The following NKAIN3 variants were observed in gnomAD, a reference collection of about 807,000 sequenced individuals.
The protein encoded by NKAIN3 is sodium/potassium transporting ATPase interacting 3, also known as sodium/potassium-transporting ATPase subunit beta-1-interacting protein 3.
A neutral mutation model predicts 30.2 loss-of-function variants in NKAIN3; 25 were observed. The observed-to-expected ratio is 0.83, with a 90% CI of 0.60 to 1.16. The LOEUF (loss-of-function observed/expected upper bound fraction) is 1.16, where lower values mean the gene tolerates loss of function less well. Among genes scored for constraint, NKAIN3 ranks in the 50% most tolerant of loss-of-function variants. The pLI is 0.00. For synonymous variants in NKAIN3, 91 were observed against 89.6 expected, an observed-to-expected ratio of 1.02 and a Z score of -0.09; for missense variants, 225 against 254.1, an observed-to-expected ratio of 0.89 and a Z score of 0.78.
chr8:62,514,433 G>A (rs1344281194), intron 1 of NKAIN3, among the ~76,000 whole-genome samples: 1 of 152,112 alleles, frequency 6.6e-6, no homozygotes, highest in Non-Finnish European at 1.5e-5. Context: ...ATCTTAGGAA[G>A]AGGGTAAAAT....
At chr8:62,276,309 G>A (rs150549128) in intron 1 of NKAIN3, among the ~76,000 whole-genome samples, 61 of 152,188 alleles carry the variant, frequency 4.0e-4, no homozygotes, top group African/African-American at 1.3e-3. Context: ...CAAGTGATCC[G>A]CCTGCCTTGG....
At chr8:62,512,058 A>T (rs1445385844) in intron 1 of NKAIN3, among the ~76,000 whole-genome samples, 1 of 152,148 alleles carries the variant, frequency 6.6e-6, no homozygotes, top group Non-Finnish European at 1.5e-5. Context: ...TGTCATAGGC[A>T]CTTAATAAAT....
At chr8:62,542,726 G>T (rs1299222666) in intron 1 of NKAIN3, among the ~76,000 whole-genome samples, 1 of 152,132 alleles carries the variant, frequency 6.6e-6, no homozygotes, top group African/African-American at 2.4e-5. Context: ...TGTTAAAAAT[G>T]GGATAGTGTC....
chr8:62,801,069 C>T (rs1230548160), intron 4 of NKAIN3, among the ~76,000 whole-genome samples: 2 of 152,194 alleles, frequency 1.3e-5, no homozygotes, highest in East Asian at 1.9e-4. Flanking sequence ...GGGGGAGGGG[C>T]TCCCACCATT....
intron 1 of NKAIN3, among the ~76,000 whole-genome samples, chr8:62,532,099 G>A (rs1808506953): frequency 6.6e-6 from 1 of 152,160 alleles, no homozygotes; most frequent in Non-Finnish European, 1.5e-5. Flanking sequence ...AAGGCTCCTA[G>A]TCTGATGCTT....
At chr8:62,748,039 T>A (rs1346068321) in intron 4 of NKAIN3, among the ~76,000 whole-genome samples, 2 of 152,244 alleles carry the variant, frequency 1.3e-5, no homozygotes, top group Non-Finnish European at 2.9e-5. Flanking sequence ...CTTACTGTAT[T>A]CATTATCTAC....
chr8:62,252,063 A>G (rs958883821), intron 1 of NKAIN3, among the ~76,000 whole-genome samples: 9 of 152,222 alleles, frequency 5.9e-5, no homozygotes, highest in Admixed American at 5.2e-4. Flanking sequence ...GAGCCCGTAT[A>G]AGCCTGCTTC....
rs542341302 is a variant in NKAIN3 at position 62,316,840 on chromosome 8, G to A, written c.54+67713G>A. 9.7e-4 allele frequency among the ~76,000 whole-genome samples: 148 copies of A among 152,248 alleles called. 3 individuals carry two copies. The East Asian group carries it at 0.026, about 27-fold the overall frequency. On this transcript the variant is annotated intron_variant, in intron 1 of 6. Coordinates refer to ENST00000623646, the MANE Select transcript of NKAIN3 (RefSeq NM_001304533.3). The stretch of plus-strand genomic sequence containing the variant: ...AATGGTATTTCTAGTTCTAGATCCT[G>A]AGGAATCGCCACACTAACTTCCACA...
intron 3 of NKAIN3, among the ~76,000 whole-genome samples, chr8:62,605,754 A>G (rs1348848246): frequency 6.6e-6 from 1 of 152,088 alleles, no homozygotes; most frequent in African/African-American, 2.4e-5. Flanking sequence ...ATGTGCAAAT[A>G]CTATATTATT....
intron 5 of NKAIN3, among the ~76,000 whole-genome samples, chr8:62,939,606 C>A (rs748541609): frequency 6.6e-6 from 1 of 152,076 alleles, no homozygotes; most frequent in Non-Finnish European, 1.5e-5. Flanking sequence ...TCTTTAGCCT[C>A]CTTAAACAAA....
chr8:62,698,641 C>A (rs1210294382), intron 3 of NKAIN3, among the ~76,000 whole-genome samples: 2 of 152,174 alleles, frequency 1.3e-5, no homozygotes, highest in African/African-American at 4.8e-5. Flanking sequence ...TGTAGGACCT[C>A]ATTCTTTTCC....
Position 62,984,637 on chromosome 8 carries a change from T to A in NKAIN3, c.*19230T>A, listed in dbSNP as rs1488507750. 2 of 152,238 alleles carry A rather than the reference T, an allele frequency of 1.3e-5. No homozygotes were observed. The highest frequency in any genetic ancestry group is 2.1e-4 in the South Asian group (1 of 4,836). The allele number at this position is 152,238 out of a possible 1,614,324, so 9.4% of individuals were successfully genotyped here. ...GCCTATCAGGAGCTATCTTATATGATGTTGGTAGCCTGTGAAAAAATAAAT... is the reference window on the plus strand; with the variant it reads ...GCCTATCAGGAGCTATCTTATATGAAGTTGGTAGCCTGTGAAAAAATAAAT... On this transcript the variant is annotated 3_prime_UTR_variant, in exon 7 of 7. Transcript: ENST00000623646.
At chr8:62,690,694 G>A (rs1187023161) in intron 3 of NKAIN3, among the ~76,000 whole-genome samples, 1 of 152,186 alleles carries the variant, frequency 6.6e-6, no homozygotes, top group Admixed American at 6.5e-5. Flanking sequence ...TTGCAGAGCT[G>A]TTAAGGTTTT....
chr8:62,399,285 C>G (rs1397477531), intron 1 of NKAIN3, among the ~76,000 whole-genome samples: 2 of 152,014 alleles, frequency 1.3e-5, no homozygotes, highest in African/African-American at 4.8e-5. Flanking sequence ...GCGGGTAGAT[C>G]GCTTGAGATC....
At chr8:62,548,519 T>G (rs1334936130) in intron 1 of NKAIN3, among the ~76,000 whole-genome samples, 1 of 152,180 alleles carries the variant, frequency 6.6e-6, no homozygotes, top group Non-Finnish European at 1.5e-5. Flanking sequence ...CTTTCCATTC[T>G]GTCCAGGCAC....
chr8:62,374,069 C>T lies in NKAIN3; in HGVS notation c.54+124942C>T, dbSNP rs376313783. On this transcript the variant is annotated intron_variant, in intron 1 of 6. Transcript: ENST00000623646. Reference sequence around the variant, plus strand: ...CAGAGGTTGCACTGAGCCAAGATCTCGCCACTGCACTCCAGCCTGGGTGAC... The same window carrying T: ...CAGAGGTTGCACTGAGCCAAGATCTTGCCACTGCACTCCAGCCTGGGTGAC... Among the ~76,000 whole-genome samples, 14 of 142,290 alleles carry T rather than the reference C, an allele frequency of 9.8e-5. No individual in the cohort carries two copies. In the South Asian group the frequency reaches 3.1e-3, roughly 31 times the overall value. 93.3% of individuals were successfully genotyped at this position (142,290 alleles called of 152,430 possible). A position where few individuals can be genotyped will look rare whatever the true frequency, so the allele number is the denominator to read the frequency against.
intron 3 of NKAIN3, among the ~76,000 whole-genome samples, chr8:62,688,095 C>G (rs765441280): frequency 6.6e-6 from 1 of 152,208 alleles, no homozygotes; most frequent in Admixed American, 6.5e-5. Flanking sequence ...ATGTTCCTGA[C>G]AGATGGTCAA....
chr8:62,807,902 T>C (rs73256952), intron 4 of NKAIN3, among the ~76,000 whole-genome samples: 2,093 of 151,716 alleles, frequency 0.014, 51 homozygotes, highest in African/African-American at 0.049. Context: ...ATTGTGATTA[T>C]GTTAAAAATA....
intron 3 of NKAIN3, among the ~76,000 whole-genome samples, chr8:62,706,494 T>G (rs935762521): frequency 6.6e-6 from 1 of 152,086 alleles, no homozygotes; most frequent in African/African-American, 2.4e-5. Flanking sequence ...TACCCTTCCC[T>G]ACTGATGGCA....
Sources: allele counts gnomAD v4.1 joint callset (sites outside exome capture counted in the v4.1 genomes callset), GRCh38; gene constraint gnomAD v4.1.1; transcripts MANE v1.5; gene names NCBI Gene and HGNC (gene_info 2026-07-23, HGNC 2026-07-21).